TOX: variants seen among roughly 807,000 people sequenced by gnomAD.
TOX encodes thymocyte selection associated high mobility group box, also known as thymocyte selection-associated high mobility group box protein TOX.
In TOX, 11 loss-of-function variants were observed where a neutral mutation model predicts 53.7. The observed-to-expected ratio is 0.20, with a 90% CI of 0.13 to 0.34. The LOEUF is 0.34. Among genes scored for constraint, TOX ranks in the 10% least tolerant of loss-of-function variants. The pLI, the probability that TOX is intolerant of heterozygous loss-of-function variation, is 1.00. For missense variants in TOX, 570 were observed against 664.6 expected, an observed-to-expected ratio of 0.86 and a Z score of 1.56; for synonymous variants, 225 against 245.3, an observed-to-expected ratio of 0.92 and a Z score of 0.77.
chr8:58,815,829 C>T (rs1243669631), intron 6 of TOX, 105 bp from the exon 7 acceptor site: 1 of 1,273,670 alleles, frequency 7.9e-7, no homozygotes, highest in Non-Finnish European at 1.1e-6. Context: ...GGAATCCATA[C>T]CCATGACTAT....
chr8:58,873,890 C>A (rs1462120914), intron 3 of TOX, among the ~76,000 whole-genome samples: 1 of 148,004 alleles, frequency 6.8e-6, no homozygotes, highest in Non-Finnish European at 1.5e-5. Flanking sequence ...GGGCAGAGAC[C>A]AGAGATTTCC....
intron 3 of TOX, among the ~76,000 whole-genome samples, chr8:58,909,703 G>A (rs1299377989): frequency 1.3e-5 from 2 of 150,488 alleles, no homozygotes; most frequent in Non-Finnish European, 2.9e-5. Context: ...TGTCATCCAG[G>A]CTGGAGTGCA....
chr8:58,877,425 C>T (rs1438976185), intron 3 of TOX, among the ~76,000 whole-genome samples: 11 of 152,242 alleles, frequency 7.2e-5, no homozygotes, highest in East Asian at 3.9e-4. Flanking sequence ...TGTGTGGTCC[C>T]GCACAAAATT....
chr8:58,891,160 G>A (rs7845800), intron 3 of TOX, among the ~76,000 whole-genome samples: 97,006 of 151,762 alleles, frequency 0.64, 31,402 homozygotes, highest in African/African-American at 0.74. Context: ...AGACACTAGC[G>A]ATCTTTAGGA....
chr8:59,000,843 T>C (rs919049881), intron 1 of TOX, among the ~76,000 whole-genome samples: 5 of 152,112 alleles, frequency 3.3e-5, no homozygotes, highest in African/African-American at 1.2e-4. Flanking sequence ...ATGACTCTCA[T>C]AATAAAAATC....
rs60091622 is a variant in TOX, at chr8:59,027,450, G to GTTT, written c.103-67445_103-67443dup. Among the ~76,000 whole-genome samples, 219 of 120,570 alleles carry GTTT rather than the reference G, an allele frequency of 1.8e-3. 1 individual carries two copies. The highest frequency in any genetic ancestry group is 5.4e-3 in the African/African-American group (181 of 33,230). The allele number at this position is 120,570 out of a possible 152,430, so 79.1% of individuals were successfully genotyped here. A position where few individuals can be genotyped will look rare whatever the true frequency, so the allele number is the denominator to read the frequency against. On this transcript the variant is annotated intron_variant, in intron 1 of 8. Coordinates refer to ENST00000361421, the MANE Select transcript of TOX (RefSeq NM_014729.3). The stretch of plus-strand genomic sequence containing the variant: ...TGGGTCCTTATGTCATAGGAACAAG[G>GTTT]TTTTTTTTTTTAAATTTTTCAATGA...
intron 5 of TOX, among the ~76,000 whole-genome samples, chr8:58,830,985 A>G (rs1810444823): frequency 6.6e-6 from 1 of 152,210 alleles, no homozygotes; most frequent in African/African-American, 2.4e-5. Flanking sequence ...TATTTTATAT[A>G]GAACTTAGTC....
intron 1 of TOX, among the ~76,000 whole-genome samples, chr8:59,006,722 C>T (rs1224180893): frequency 2.0e-5 from 3 of 152,172 alleles, no homozygotes; most frequent in African/African-American, 4.8e-5. Flanking sequence ...GCCTTAGGTA[C>T]ACCACTGGCC....
chr8:58,911,375 G>A (rs1217826254), intron 3 of TOX, among the ~76,000 whole-genome samples: 1 of 152,036 alleles, frequency 6.6e-6, no homozygotes, highest in Non-Finnish European at 1.5e-5. Context: ...GAAATATCTA[G>A]TTTTACCCCA....
chr8:59,020,158 A>G (rs1814095525), intron 1 of TOX, among the ~76,000 whole-genome samples: 1 of 152,192 alleles, frequency 6.6e-6, no homozygotes, highest in African/African-American at 2.4e-5. Context: ...CAAAACCACT[A>G]TAGAAAGTAT....
intron 5 of TOX, among the ~76,000 whole-genome samples, chr8:58,835,477 G>A (rs1810530105): frequency 6.6e-6 from 1 of 152,058 alleles, no homozygotes; most frequent in Admixed American, 6.6e-5. Context: ...TAACTTTGAT[G>A]GTTAGACAAA....
intron 3 of TOX, among the ~76,000 whole-genome samples, chr8:58,923,039 G>T (rs1405123616): frequency 1.3e-5 from 2 of 152,216 alleles, no homozygotes; most frequent in East Asian, 3.8e-4. Context: ...AGAATAGTGT[G>T]AATTGAGGTC....
chr8:58,877,719 A>T lies in TOX; in HGVS notation c.412-25914T>A, dbSNP rs551723120. Among the ~76,000 whole-genome samples the T allele has an allele frequency of 1.4e-4, 22 of 152,328 alleles. No homozygotes were observed. The South Asian group carries it at 3.7e-3, about 26-fold the overall frequency. ...AACAGTCTCTTCAGGCAGAAAGAAA[A>T]TACAAGTCTGTCATCCAAAGCAAAT... On this transcript the variant is annotated intron_variant, in intron 3 of 8. Coordinates refer to ENST00000361421, the MANE Select transcript of TOX (RefSeq NM_014729.3).
intron 1 of TOX, among the ~76,000 whole-genome samples, chr8:59,045,147 A>G (rs1803660911): frequency 1.3e-5 from 2 of 152,164 alleles, no homozygotes; most frequent in African/African-American, 2.4e-5. Flanking sequence ...CTTTTTTTCA[A>G]CTATTTACCT....
chr8:58,974,760 C>T (rs572637507), intron 1 of TOX, among the ~76,000 whole-genome samples: 4 of 151,856 alleles, frequency 2.6e-5, no homozygotes, highest in Admixed American at 6.6e-5. Flanking sequence ...GAAAAATTAC[C>T]GATTTGTTAG....
At chr8:58,988,701 A>T (rs1343745507) in intron 1 of TOX, among the ~76,000 whole-genome samples, 1 of 152,242 alleles carries the variant, frequency 6.6e-6, no homozygotes, top group Non-Finnish European at 1.5e-5. Flanking sequence ...ATGTAATAAT[A>T]ATAAAGCTTA....
intron 4 of TOX, among the ~76,000 whole-genome samples, chr8:58,844,778 C>T (rs909947422): frequency 3.9e-5 from 6 of 151,950 alleles, no homozygotes; most frequent in Non-Finnish European, 7.4e-5. Context: ...AAAGCACTAA[C>T]GAATACATAA....
chr8:59,110,884 CT>C (rs1182262829), intron 1 of TOX, among the ~76,000 whole-genome samples: 1 of 152,106 alleles, frequency 6.6e-6, no homozygotes, highest in Non-Finnish European at 1.5e-5. Flanking sequence ...TTCCAAAACA[CT>C]TTTATTCCAC....
chr8:58,976,171 G>A (rs1813096632), intron 1 of TOX, among the ~76,000 whole-genome samples: 1 of 152,140 alleles, frequency 6.6e-6, no homozygotes, highest in African/African-American at 2.4e-5. Context: ...GCTACCTACA[G>A]TAGAATGTCA....
Sources: allele counts gnomAD v4.1 joint callset (sites outside exome capture counted in the v4.1 genomes callset), GRCh38; gene constraint gnomAD v4.1.1; transcripts MANE v1.5; gene names NCBI Gene and HGNC (gene_info 2026-07-23, HGNC 2026-07-21).